Variants in CNTN5 observed in about 807,000 individuals in gnomAD.
CNTN5 encodes the protein contactin-5.
CNTN5 carries 77 observed loss-of-function variants against 129.1 expected under a neutral mutation model. The observed-to-expected ratio is 0.60, with a 90% CI of 0.50 to 0.72. The LOEUF (loss-of-function observed/expected upper bound fraction) is 0.72. Ranked by LOEUF, CNTN5 falls within the 30% of genes least tolerant of loss-of-function variation. CNTN5 has a pLI of 0.00. For synonymous variants in CNTN5, 509 were observed against 465.6 expected (o/e 1.09, Z -1.20); for missense variants, 1,478 against 1,328.8 (o/e 1.11, Z -1.75).
At chr11:99,757,182 T>C (rs1021918116) in intron 3 of CNTN5, among the ~76,000 whole-genome samples, 1 of 152,074 alleles carries the variant, frequency 6.6e-6, no homozygotes, top group Non-Finnish European at 1.5e-5. Flanking sequence ...ATCCATGGTG[T>C]GTTTTCACTT....
chr11:100,318,058 A>G (rs113345899), intron 21 of CNTN5, among the ~76,000 whole-genome samples: 3,620 of 152,026 alleles, frequency 0.024, 165 homozygotes, highest in African/African-American at 0.083. Context: ...TGGCTAACAC[A>G]GTGAAACCCC....
At chr11:99,829,881 T>C (rs1394562807) in intron 4 of CNTN5, among the ~76,000 whole-genome samples, 1 of 152,126 alleles carries the variant, frequency 6.6e-6, no homozygotes, top group Admixed American at 6.5e-5. Context: ...TCGGGGGACA[T>C]AGGCAAGGAT....
At chr11:99,126,253 G>A (rs892737871) in intron 1 of CNTN5, among the ~76,000 whole-genome samples, 2 of 152,112 alleles carry the variant, frequency 1.3e-5, no homozygotes, top group Non-Finnish European at 2.9e-5. Context: ...CTGTTCAGGC[G>A]TATGTCATGT....
chr11:99,999,578 CCA>C (rs1247335446), intron 8 of CNTN5, among the ~76,000 whole-genome samples: 27 of 152,186 alleles, frequency 1.8e-4, no homozygotes, highest in Non-Finnish European at 3.7e-4. Flanking sequence ...ACTAGTTCAA[CCA>C]TTGTGGAAGT....
At chr11:99,640,898 C>G (rs1951747459) in intron 3 of CNTN5, among the ~76,000 whole-genome samples, 1 of 152,204 alleles carries the variant, frequency 6.6e-6, no homozygotes, top group Non-Finnish European at 1.5e-5. Flanking sequence ...AAACACAACT[C>G]TTGTTCTCAA....
intron 3 of CNTN5, among the ~76,000 whole-genome samples, chr11:99,600,234 T>C (rs898364109): frequency 1.4e-5 from 2 of 147,386 alleles, no homozygotes; most frequent in Non-Finnish European, 3.1e-5. Flanking sequence ...TTTGCACAAA[T>C]GAAGAAAAAA....
chr11:99,940,313 T>C (rs1471017610), intron 7 of CNTN5, among the ~76,000 whole-genome samples: 2 of 152,090 alleles, frequency 1.3e-5, no homozygotes, highest in African/African-American at 4.8e-5. Context: ...TTTTAGATCC[T>C]CCAAATATTA....
intron 7 of CNTN5, among the ~76,000 whole-genome samples, chr11:99,952,651 C>A (rs1417177652): frequency 6.6e-6 from 1 of 152,150 alleles, no homozygotes; most frequent in Non-Finnish European, 1.5e-5. Flanking sequence ...CTCACCTCAG[C>A]CTCCCAAAGT....
At chr11:99,653,427 A>G (rs984046138) in intron 3 of CNTN5, among the ~76,000 whole-genome samples, 2 of 152,158 alleles carry the variant, frequency 1.3e-5, no homozygotes, top group Middle Eastern at 6.8e-3. Context: ...AAAATTTTAC[A>G]TGTTCATAGC....
At chr11:99,634,003 G>A (rs893134443) in intron 3 of CNTN5, among the ~76,000 whole-genome samples, 1 of 152,172 alleles carries the variant, frequency 6.6e-6, no homozygotes, top group African/African-American at 2.4e-5. Context: ...TGAGAGGTTA[G>A]CATACACTTT....
chr11:99,158,353 C>G (rs552025697), intron 1 of CNTN5, among the ~76,000 whole-genome samples: 1 of 152,288 alleles, frequency 6.6e-6, no homozygotes, highest in African/African-American at 2.4e-5. Flanking sequence ...TGGATATTCA[C>G]AGCTCTCTCC....
intron 2 of CNTN5, among the ~76,000 whole-genome samples, chr11:99,517,505 T>G (rs1947103538): frequency 1.3e-5 from 2 of 152,154 alleles, no homozygotes; most frequent in African/African-American, 4.8e-5. Flanking sequence ...CACTTAAGGT[T>G]TATATTCACA....
At chr11:99,624,771 C>T (rs1951070822) in intron 3 of CNTN5, among the ~76,000 whole-genome samples, 1 of 152,124 alleles carries the variant, frequency 6.6e-6, no homozygotes, top group Non-Finnish European at 1.5e-5. Flanking sequence ...GATGGTGATA[C>T]ACTGTTGCAT....
chr11:100,088,222 G>T (rs1944629318), intron 13 of CNTN5, among the ~76,000 whole-genome samples: 2 of 151,562 alleles, frequency 1.3e-5, no homozygotes, highest in Admixed American at 6.6e-5. Flanking sequence ...AAGAAAAAAT[G>T]GATAAATTTC....
At chr11:99,820,695 T>C (rs1053483215) in intron 4 of CNTN5, among the ~76,000 whole-genome samples, 1 of 152,232 alleles carries the variant, frequency 6.6e-6, no homozygotes, top group African/African-American at 2.4e-5. Flanking sequence ...CTGCCTTCTA[T>C]AGAAATGAAA....
At chr11:99,476,001 A>G (rs191005894) in intron 2 of CNTN5, among the ~76,000 whole-genome samples, 1 of 152,054 alleles carries the variant, frequency 6.6e-6, no homozygotes, top group Non-Finnish European at 1.5e-5. Context: ...TCCTGTGAGC[A>G]TCTGGCCTAA....
chr11:99,919,555 C>A (rs1404136843), intron 7 of CNTN5, among the ~76,000 whole-genome samples: 1 of 151,630 alleles, frequency 6.6e-6, no homozygotes, highest in African/African-American at 2.4e-5. Flanking sequence ...TCTCTCTCTT[C>A]CCCCTATTTT....
intron 3 of CNTN5, among the ~76,000 whole-genome samples, chr11:99,600,144 G>A (rs956891969): frequency 3.3e-5 from 5 of 152,028 alleles, no homozygotes; most frequent in Non-Finnish European, 7.4e-5. Context: ...AATGTGCTGT[G>A]ATGGACACCC....
chr11:99,840,042 T>A (rs1011435024), intron 4 of CNTN5, among the ~76,000 whole-genome samples: 5 of 151,982 alleles, frequency 3.3e-5, no homozygotes, highest in African/African-American at 1.2e-4. Context: ...CCCTCAAAAT[T>A]ATTGATATTC....
Sources: gnomAD v4.1 joint callset for allele counts (sites outside exome capture counted in the v4.1 genomes callset) on GRCh38, gnomAD v4.1.1 for gene constraint, MANE v1.5 for transcripts, NCBI Gene and HGNC (gene_info 2026-07-23, HGNC 2026-07-21) for gene names.